TCF4: variants seen among roughly 807,000 people sequenced by gnomAD.
The protein encoded by TCF4 is transcription factor 4, also known as SL3-3 enhancer factor 2.
Under a neutral mutation model 82.1 loss-of-function variants are expected in TCF4, and 3 were observed. That is an observed-to-expected ratio of 0.04 (90% CI 0.02 to 0.09). TCF4 has a LOEUF of 0.09. TCF4 is among the 10% of genes least tolerant of loss of function. The pLI is 1.00. For synonymous variants in TCF4, 276 were observed against 309.6 expected, an observed-to-expected ratio of 0.89 and a Z score of 1.14; for missense variants, 518 against 852.7, an observed-to-expected ratio of 0.61 and a Z score of 4.89.
chr18:55,618,212 A>T lies in TCF4; in HGVS notation c.286+13086T>A, dbSNP rs550598892. Reference sequence around the variant, plus strand: ...TCAAATACTTCTTCTTCATCTATTGAAATGATGATGTGATTTTAAAATTCA... The same window carrying T: ...TCAAATACTTCTTCTTCATCTATTGTAATGATGATGTGATTTTAAAATTCA... On this transcript the variant is annotated intron_variant, in intron 2 of 20. Transcript: ENST00000398339. Among the ~76,000 whole-genome samples the T allele has an allele frequency of 9.9e-4, 150 of 152,268 alleles. 1 individual carries two copies. Among genetic ancestry groups the T allele is most frequent in the Non-Finnish European group, 1.8e-3 (125 of 68,014 alleles).
chr18:55,613,356 A>G (rs1286812463), intron 2 of TCF4, among the ~76,000 whole-genome samples: 7 of 152,096 alleles, frequency 4.6e-5, no homozygotes, highest in Admixed American at 1.3e-4. Context: ...AATTTTATAC[A>G]TATGGAATCA....
intron 5 of TCF4, among the ~76,000 whole-genome samples, chr18:55,426,193 A>G (rs1434343363): frequency 6.6e-6 from 1 of 151,826 alleles, no homozygotes; most frequent in East Asian, 1.9e-4. Flanking sequence ...TTGGAAGGAT[A>G]TGGGGTATAA....
intron 2 of TCF4, among the ~76,000 whole-genome samples, chr18:55,607,027 A>ATG (rs1264487458): frequency 6.6e-6 from 1 of 152,166 alleles, no homozygotes; most frequent in East Asian, 1.9e-4. Flanking sequence ...CAGGCACCAT[A>ATG]TGTTCGGCAA....
intron 8 of TCF4, among the ~76,000 whole-genome samples, chr18:55,338,494 T>G (rs950633733): frequency 6.6e-6 from 1 of 152,180 alleles, no homozygotes; most frequent in African/African-American, 2.4e-5. Flanking sequence ...TCAGATTCTA[T>G]TCACTCCCTG....
chr18:55,287,530 A>C (rs1177429156), intron 8 of TCF4, among the ~76,000 whole-genome samples: 1 of 152,238 alleles, frequency 6.6e-6, no homozygotes, highest in East Asian at 1.9e-4. Context: ...AAATTACAGA[A>C]CGGAAAAATG....
At chr18:55,608,008 A>G (rs1396074397) in intron 2 of TCF4, among the ~76,000 whole-genome samples, 1 of 152,198 alleles carries the variant, frequency 6.6e-6, no homozygotes, top group Admixed American at 6.5e-5. Flanking sequence ...GATAAAAACT[A>G]CAAATCTGTC....
At chr18:55,360,066 G>A (rs2084702023) in intron 6 of TCF4, among the ~76,000 whole-genome samples, 2 of 152,166 alleles carry the variant, frequency 1.3e-5, no homozygotes, top group Non-Finnish European at 2.9e-5. Context: ...CAGTAGTGCC[G>A]TATTCTTTCA....
intron 6 of TCF4, among the ~76,000 whole-genome samples, chr18:55,358,319 C>A (rs2084116366): frequency 6.6e-6 from 1 of 152,210 alleles, no homozygotes; most frequent in African/African-American, 2.4e-5. Context: ...ACTACTACTG[C>A]TGCTCATCAT....
chr18:55,500,998 G>C (rs918153964), intron 3 of TCF4, among the ~76,000 whole-genome samples: 2 of 152,204 alleles, frequency 1.3e-5, no homozygotes, highest in Non-Finnish European at 2.9e-5. Flanking sequence ...AATGTATAAT[G>C]ATGATGATTA....
chr18:55,283,889 T>C (rs1205960638), intron 8 of TCF4, among the ~76,000 whole-genome samples: 3 of 152,228 alleles, frequency 2.0e-5, no homozygotes, highest in Non-Finnish European at 4.4e-5. Flanking sequence ...TTTGGACAAA[T>C]GTGACTCAGG....
At chr18:55,634,602 G>T (rs1682981231) in intron 1 of TCF4, among the ~76,000 whole-genome samples, 1 of 152,170 alleles carries the variant, frequency 6.6e-6, no homozygotes, top group Admixed American at 6.5e-5. Context: ...AAGGGCATTG[G>T]ATGCCACGGG....
intron 5 of TCF4, chr18:55,403,935 A>G (rs2093960810): frequency 1.5e-6 from 2 of 1,377,012 alleles, no homozygotes; most frequent in Non-Finnish European, 1.9e-6. Context: ...GGCCAAAACT[A>G]ATCAATCACA....
intron 5 of TCF4, among the ~76,000 whole-genome samples, chr18:55,448,935 A>G (rs2095573717): frequency 6.6e-6 from 1 of 152,208 alleles, no homozygotes; most frequent in Non-Finnish European, 1.5e-5. Flanking sequence ...AAAGACTGGG[A>G]GAAGGCAGCT....
At chr18:55,431,977 C>T (rs976001445) in intron 5 of TCF4, among the ~76,000 whole-genome samples, 12 of 152,106 alleles carry the variant, frequency 7.9e-5, no homozygotes, top group African/African-American at 2.9e-4. Context: ...TAGCACAGTG[C>T]AATGGGAAAT....
chr18:55,588,150 T>G lies in TCF4; in HGVS notation c.-133A>C. 1 of 1,086,406 alleles carries G rather than the reference T, an allele frequency of 9.2e-7. No homozygotes were observed. Among genetic ancestry groups the G allele is most frequent in the East Asian group, 6.2e-5 (1 of 16,124 alleles). 67.3% of individuals were successfully genotyped at this position (1,086,406 alleles called of 1,614,324 possible). A position where few individuals can be genotyped will look rare whatever the true frequency, so the allele number is the denominator to read the frequency against. On this transcript the variant is annotated 5_prime_UTR_variant, in exon 1 of 20. Transcript: ENST00000354452. ...CTCCTGCGCCCGCTCCCGCGCCTGC[T>G]GCCTCCCCGCCGCCGCCGCCGCCGC... is the stretch of plus-strand genomic sequence containing the variant.
chr18:55,297,933 T>C (rs1165197882), intron 8 of TCF4, among the ~76,000 whole-genome samples: 2 of 152,194 alleles, frequency 1.3e-5, no homozygotes, highest in East Asian at 3.9e-4. Flanking sequence ...TTTAACATCA[T>C]TGATGTCTAT....
chr18:55,575,033 T>A (rs2097515288), intron 3 of TCF4, among the ~76,000 whole-genome samples: 1 of 152,176 alleles, frequency 6.6e-6, no homozygotes, highest in African/African-American at 2.4e-5. Flanking sequence ...TTATCCCAAT[T>A]CTACCAAAAT....
rs576821691 is a variant in TCF4, at chr18:55,302,640, T to C, written c.550-22984A>G. 112 of 1,495,208 alleles carry C rather than the reference T, an allele frequency of 7.5e-5. No homozygotes were observed. In the African/African-American group the frequency reaches 1.4e-3, roughly 18 times the overall value. The allele number at this position is 1,495,208 out of a possible 1,614,324, so 92.6% of individuals were successfully genotyped here. A position where few individuals can be genotyped will look rare whatever the true frequency, so the allele number is the denominator to read the frequency against. The stretch of plus-strand genomic sequence containing the variant: ...TATATGAAACTCAGACCCGCAGATG[T>C]CCGCTGTGAGGCCTGTGGCTGGCCT... On this transcript the variant is annotated intron_variant, in intron 8 of 19. Coordinates refer to ENST00000354452, the MANE Select transcript of TCF4 (RefSeq NM_001083962.2).
At chr18:55,284,941 T>C (rs187067756) in intron 8 of TCF4, among the ~76,000 whole-genome samples, 8 of 152,296 alleles carry the variant, frequency 5.3e-5, no homozygotes, top group Non-Finnish European at 1.0e-4. Context: ...CAGCATCTAC[T>C]GGGGAAATAT....
Sources: allele counts gnomAD v4.1 joint callset (sites outside exome capture counted in the v4.1 genomes callset), GRCh38; gene constraint gnomAD v4.1.1; transcripts MANE v1.5; gene names NCBI Gene and HGNC (gene_info 2026-07-23, HGNC 2026-07-21).